The following NAA20 variants were observed in gnomAD, a reference collection of about 807,000 sequenced individuals.
NAA20 encodes N-alpha-acetyltransferase 20, NatB catalytic subunit.
A neutral mutation model predicts 23.8 loss-of-function variants in NAA20; 24 were observed. The observed-to-expected ratio is 1.01, with a 90% CI of 0.73 to 1.42. The LOEUF (loss-of-function observed/expected upper bound fraction) is 1.42, where lower values mean the gene tolerates loss of function less well. Among genes scored for constraint, NAA20 ranks in the 40% most tolerant of loss-of-function variants. The pLI is 0.00. For missense variants in NAA20, 166 were observed against 223.1 expected, an observed-to-expected ratio of 0.74 and a Z score of 1.63; for synonymous variants, 83 against 77.7, an observed-to-expected ratio of 1.07 and a Z score of -0.36.
At chr20:20,032,379 G>A in intron 4 of NAA20, 129 bp from the exon 5 acceptor site, 1 of 727,288 alleles carries the variant, frequency 1.4e-6, no homozygotes, top group Non-Finnish European at 2.1e-6. Flanking sequence ...TCAGCTACAA[G>A]GTCCTATTAC....
chr20:20,020,341 G>A (rs1217643890), intron 1 of NAA20, among the ~76,000 whole-genome samples: 1 of 152,186 alleles, frequency 6.6e-6, no homozygotes, highest in Non-Finnish European at 1.5e-5. Flanking sequence ...GGTTCAGGGA[G>A]ACTGCCCTTG....
chr20:20,019,014 C>A, intron 1 of NAA20: 1 of 806,172 alleles, frequency 1.2e-6, no homozygotes, highest in Non-Finnish European at 1.5e-6. Context: ...GGTCTTAACC[C>A]ACCTGGAGCC....
chr20:20,025,603 CTT>C, intron 2 of NAA20, 72 bp from the exon 3 acceptor site: 1 of 1,143,214 alleles, frequency 8.7e-7, no homozygotes, highest in Non-Finnish European at 1.3e-6. Context: ...TTAAAGGAAA[CTT>C]TTTTTACAAT....
At position 20,033,376 on chromosome 20, in the gene NAA20, C is replaced by G. The variant is rs2043362551; in HGVS notation, c.*189C>G. The G allele has an allele frequency of 2.0e-6, 1 of 504,238 alleles. No homozygotes were observed. The highest frequency in any genetic ancestry group is 3.1e-5 in the East Asian group (1 of 32,564). The allele number at this position is 504,238 out of a possible 1,614,324, so 31.2% of individuals were successfully genotyped here. The stretch of plus-strand genomic sequence containing the variant: ...GTTAGCAATATCATACCTATTAAAG[C>G]TGTTCATTGTAACAAAATTCAATCA... On this transcript the variant is annotated 3_prime_UTR_variant, in exon 6 of 6. Coordinates refer to ENST00000334982, the MANE Select transcript of NAA20 (RefSeq NM_016100.5).
In NAA20 at chr20:20,018,146, A is replaced by G. The variant is rs555079023; in HGVS notation, c.53+697A>G. The G allele has an allele frequency of 3.0e-4, 453 of 1,523,552 alleles. 1 individual carries two copies. Among genetic ancestry groups the G allele is most frequent in the Admixed American group, 8.7e-4 (52 of 59,788 alleles). 94.4% of individuals were successfully genotyped at this position (1,523,552 alleles called of 1,614,324 possible). ...CTTAGGGGAGGCTCGCTGTGCCCAG[A>G]GCCCTGGATGCAGTTTCTTTGGATT... On this transcript the variant is annotated intron_variant, in intron 1 of 5. Transcript: ENST00000334982.
At chr20:20,022,138 C>T (rs75770696) in intron 1 of NAA20, among the ~76,000 whole-genome samples, 1,961 of 152,282 alleles carry the variant, frequency 0.013, 22 homozygotes, top group Non-Finnish European at 0.018. Context: ...CGAGATACAT[C>T]CCTAGTTGGT....
chr20:20,028,330 G>A (rs1397128296), intron 4 of NAA20, among the ~76,000 whole-genome samples: 2 of 152,084 alleles, frequency 1.3e-5, no homozygotes, highest in African/African-American at 4.8e-5. Flanking sequence ...ACACACCAGG[G>A]CCTGTCGGGG....
chr20:20,018,395 T>C (rs1039389898), intron 1 of NAA20: 1 of 280,908 alleles, frequency 3.6e-6, no homozygotes, highest in Non-Finnish European at 6.9e-6. Context: ...AACAGGGCGG[T>C]ATGTGAAAAC....
At chr20:20,025,036 G>A (rs1427506547) in intron 2 of NAA20, among the ~76,000 whole-genome samples, 1 of 152,180 alleles carries the variant, frequency 6.6e-6, no homozygotes, top group Non-Finnish European at 1.5e-5. Flanking sequence ...AGGTTGAAGA[G>A]TGAAGTCATG....
intron 4 of NAA20, among the ~76,000 whole-genome samples, chr20:20,028,227 T>C (rs1469544845): frequency 1.3e-5 from 2 of 152,060 alleles, no homozygotes; most frequent in Admixed American, 1.3e-4. Context: ...GGCATTATGT[T>C]GAAAAAAAGT....
intron 2 of NAA20, 92 bp from the exon 3 acceptor site, chr20:20,025,585 T>C (rs2043301256): frequency 1.2e-6 from 1 of 856,226 alleles, no homozygotes; most frequent in Non-Finnish European, 2.0e-6. Flanking sequence ...AAAGTAACAG[T>C]ATACTTTTTA....
intron 4 of NAA20, among the ~76,000 whole-genome samples, chr20:20,031,047 C>T (rs6035527): frequency 0.011 from 1,747 of 152,226 alleles, 23 homozygotes; most frequent in African/African-American, 0.04. Context: ...AACAGGTAAT[C>T]GACCGCAGTT....
chr20:20,021,327 A>G (rs1256840854), intron 1 of NAA20, among the ~76,000 whole-genome samples: 1 of 152,108 alleles, frequency 6.6e-6, no homozygotes, highest in Non-Finnish European at 1.5e-5. Context: ...CATCTTTTCC[A>G]CTGTCATTCC....
At chr20:20,022,506 AGTTG>A in intron 2 of NAA20, 26 bp downstream of exon 2, 1 of 1,505,514 alleles carries the variant, frequency 6.6e-7, no homozygotes, top group Non-Finnish European at 9.0e-7. Context: ...AAAAAAAAAA[AGTTG>A]AATGAAGATT....
At chr20:20,022,422 T>A in intron 1 of NAA20, 34 bp from the exon 2 acceptor site, 1 of 1,579,682 alleles carries the variant, frequency 6.3e-7, no homozygotes, top group Non-Finnish European at 8.6e-7. Context: ...TTGTAAACGC[T>A]GCTTACTAGA....
intron 4 of NAA20, among the ~76,000 whole-genome samples, chr20:20,029,876 A>C (rs1194121764): frequency 6.7e-6 from 1 of 149,420 alleles, no homozygotes; most frequent in African/African-American, 2.5e-5. Flanking sequence ...TCTTGGTTAC[A>C]TAGTTTTTTG....
chr20:20,025,905 T>C (rs1170668860), intron 3 of NAA20, 138 bp downstream of exon 3: 2 of 692,836 alleles, frequency 2.9e-6, no homozygotes, highest in East Asian at 5.3e-5. Context: ...AAGAACTTAC[T>C]GATCTCTGTT....
intron 1 of NAA20, among the ~76,000 whole-genome samples, chr20:20,021,181 G>C (rs1487971179): frequency 2.0e-5 from 3 of 152,164 alleles, no homozygotes; most frequent in African/African-American, 7.2e-5. Context: ...GTCGTCGAAA[G>C]GTGTGGTGGA....
chr20:20,024,304 G>A (rs2043292630), intron 2 of NAA20, among the ~76,000 whole-genome samples: 1 of 152,158 alleles, frequency 6.6e-6, no homozygotes, highest in African/African-American at 2.4e-5. Flanking sequence ...AACAGGAAAT[G>A]ACCCAGGTGT....
Sources: allele counts gnomAD v4.1 joint callset (sites outside exome capture counted in the v4.1 genomes callset), GRCh38; gene constraint gnomAD v4.1.1; transcripts MANE v1.5; gene names NCBI Gene and HGNC (gene_info 2026-07-23, HGNC 2026-07-21).